CUL7: variants seen among roughly 807,000 people sequenced by gnomAD.
CUL7 encodes the protein cullin-7.
In CUL7, 96 loss-of-function variants were observed where a neutral mutation model predicts 177.7. That is an observed-to-expected ratio of 0.54 (90% CI 0.46 to 0.64). The LOEUF (loss-of-function observed/expected upper bound fraction) is 0.64, where lower values mean the gene tolerates loss of function less well. Among genes scored for constraint, CUL7 ranks in the 30% least tolerant of loss-of-function variants. The pLI is 0.00. For missense variants in CUL7, 1,893 were observed against 2,187.9 expected (o/e 0.87, Z 2.69); for synonymous variants, 824 against 890.2 (o/e 0.93, Z 1.32).
rs2150329542 is a variant in CUL7 at position 43,048,533 on chromosome 6, AG to A, written c.1861del (p.Leu621CysfsTer18). On this transcript the variant is annotated frameshift_variant, in exon 8 of 26. Coordinates refer to ENST00000265348, the MANE Select transcript of CUL7 (RefSeq NM_014780.5). LOFTEE classifies it high-confidence loss of function. ...EPPSQSPNTP[L>X]QRLVEGYGPA... Reference sequence around the variant, plus strand: ...ACCATAACCCTCCACCAGACGCTGCAGGGGAGTGTTGGGACTCTGAGATGGG... The same window carrying A: ...ACCATAACCCTCCACCAGACGCTGCAGGGAGTGTTGGGACTCTGAGATGGG... 1 of 1,614,130 alleles carries A rather than the reference AG, an allele frequency of 6.2e-7. No individual in the cohort carries two copies. Among genetic ancestry groups the A allele is most frequent in the East Asian group, 2.2e-5 (1 of 44,884 alleles).
chr6:43,047,996 A>T (rs556200076), intron 9 of CUL7, 152 bp downstream of exon 9: 6 of 620,074 alleles, frequency 9.7e-6, no homozygotes, highest in South Asian at 5.6e-5. Flanking sequence ...TTACCTATTT[A>T]AAAAAAATAA....
At chr6:43,048,765 T>TC (rs1764143804) in intron 7 of CUL7, among the ~76,000 whole-genome samples, 196 bp from the exon 8 acceptor site, 1 of 151,798 alleles carries the variant, frequency 6.6e-6, no homozygotes, top group South Asian at 2.1e-4. Flanking sequence ...AATTTTATAT[T>TC]CTTTTTTTTT....
rs927063542 is a variant in CUL7, at chr6:43,053,406, A to C, written c.-9+216T>G. ...GTGAGGGCGCCGCGAGACCCAGGGC[A>C]GGGTGCACAGACCAGGTAGGCGAGG... On this transcript the variant is annotated intron_variant, in intron 1 of 25. Coordinates refer to ENST00000265348, the MANE Select transcript of CUL7 (RefSeq NM_014780.5). The surrounding 1 kb of genome is among the most constrained non-coding windows in gnomAD (Gnocchi z 4.1). 6.6e-6 allele frequency among the ~76,000 whole-genome samples: 1 copy of C among 152,136 alleles called. No individual in the cohort carries two copies. Among genetic ancestry groups the C allele is most frequent in the African/African-American group, 2.4e-5 (1 of 41,426 alleles).
intron 19 of CUL7, 130 bp downstream of exon 19, chr6:43,042,672 T>C: frequency 1.5e-6 from 1 of 688,084 alleles, no homozygotes; most frequent in Non-Finnish European, 2.5e-6. Flanking sequence ...TTTAAACTTC[T>C]TATAACATGG....
Position 43,041,028 on chromosome 6 carries a change from G to A in CUL7, c.3693C>T (p.Ser1231=), listed in dbSNP as rs1362762474. 3 of 1,613,848 alleles carry A rather than the reference G, an allele frequency of 1.9e-6. No individual in the cohort carries two copies. The East Asian group carries it at 6.7e-5, about 36-fold the overall frequency. The change falls in exon 20 of 26, where the codon AGC becomes AGT. Residue 1231 remains serine, a synonymous_variant. Transcript: ENST00000265348. ...ARHIDQQIQG[S]RIGGAQEMER... is the part of the protein sequence containing the mutation. ...CCATTTCCTGGGCTCCACCGATCCG[G>A]CTGCCCTGGATCTGCTGGTCAATGT...
In CUL7 at chr6:43,037,819, G is replaced by T. The variant is rs763871170; in HGVS notation, c.4966C>A (p.His1656Asn). 2.5e-6 allele frequency: 4 copies of T among 1,610,974 alleles called. No individual in the cohort carries two copies. The African/African-American group carries it at 4.0e-5, about 16-fold the overall frequency. Residue 1656 changes from histidine to asparagine, a missense_variant, in exon 26 of 26, where the codon CAC becomes AAC. Physicochemically the swap from His to Asn is moderately conservative, Grantham distance 68. Coordinates refer to ENST00000265348, the MANE Select transcript of CUL7 (RefSeq NM_014780.5). ...GAGCCTGGGTTCAGGGACTCAGTGT[G>T]AGGCTCCATGACAGTCACAGGGACT... ...YAVPVTVMEP[H>N]TESLNPGSSG...
rs760910667 is a variant in CUL7, at chr6:43,046,042, G to A, written c.2710C>T (p.Arg904Ter). ...CTATCACCCCCGCACACCACCACTC[G>A]GGCCGGCATGTAACTCGAGTCCTCA... ...ASEDSSYMPA[R>*]VVVCGGDSTS... The change falls in exon 13 of 26, where the codon CGA becomes TGA. Residue 904 changes from arginine to a stop codon, truncating the protein, a stop_gained. Transcript: ENST00000265348. LOFTEE classifies it high-confidence loss of function. The A allele has an allele frequency of 3.7e-6, 6 of 1,614,012 alleles. No individual in the cohort carries two copies. The highest frequency in any genetic ancestry group is 1.1e-5 in the South Asian group (1 of 91,088).
Position 43,040,437 on chromosome 6 carries a change from A to G in CUL7, c.4024-11T>C. The G allele has an allele frequency of 6.2e-7, 1 of 1,612,258 alleles. No homozygotes were observed. Among genetic ancestry groups the G allele is most frequent in the Non-Finnish European group, 8.5e-7 (1 of 1,180,014 alleles). ...GGCCCCAAGGCCCACCTGAAGGAGCACAGGGTTCCCAGATGCCATGGCCTC... is the reference window on the plus strand; with the variant it reads ...GGCCCCAAGGCCCACCTGAAGGAGCGCAGGGTTCCCAGATGCCATGGCCTC... On this transcript the variant is annotated splice_polypyrimidine_tract_variant and intron_variant, in intron 21 of 25. Transcript: ENST00000265348. This position sits in a 1 kb window ranked among gnomAD's most constrained non-coding sequence, Gnocchi z 4.2.
intron 9 of CUL7, among the ~76,000 whole-genome samples, 189 bp from the exon 10 acceptor site, chr6:43,047,296 G>A (rs776712354): frequency 9.9e-5 from 15 of 152,146 alleles, no homozygotes; most frequent in Admixed American, 2.0e-4. Flanking sequence ...GAGAACCAAA[G>A]ACAAACCAAA....
chr6:43,051,422 A>G lies in CUL7; in HGVS notation c.779T>C (p.Val260Ala). ...GTTCAGCTGATCCAGGAGCGAGGTG[A>G]CATGCAAATACCGCTTCACCAGGGA... ...LFSLVKRYLH[V>A]TSLLDQLNDS... The change falls in exon 4 of 26, where the codon GTC becomes GCC. Residue 260 changes from valine to alanine, a missense_variant. Val to Ala is a moderately conservative substitution (Grantham distance 64). Transcript: ENST00000265348. The surrounding 1 kb of genome is among the most constrained non-coding windows in gnomAD (Gnocchi z 5.0). 5.0e-6 allele frequency: 8 copies of G among 1,614,064 alleles called. No individual in the cohort carries two copies. Among genetic ancestry groups the G allele is most frequent in the Non-Finnish European group, 6.8e-6 (8 of 1,180,018 alleles).
intron 24 of CUL7, 45 bp downstream of exon 24, chr6:43,038,521 T>C (rs376539415): frequency 8.7e-6 from 14 of 1,613,688 alleles, no homozygotes; most frequent in Non-Finnish European, 1.1e-5. Flanking sequence ...ACGAGGAGCC[T>C]GGCCCTGCCT....
Position 43,040,063 on chromosome 6 carries a change from G to T in CUL7, c.4294+93C>A. On this transcript the variant is annotated intron_variant, in intron 22 of 25. Coordinates refer to ENST00000265348, the MANE Select transcript of CUL7 (RefSeq NM_014780.5). This position sits in a 1 kb window ranked among gnomAD's most constrained non-coding sequence, Gnocchi z 4.2. ...CAAAGACTATCTCTTTTTACATCAAGCCTCCCAACATCAGGGTCTGCCCCC... is the reference window on the plus strand; with the variant it reads ...CAAAGACTATCTCTTTTTACATCAATCCTCCCAACATCAGGGTCTGCCCCC... 1.4e-6 allele frequency: 2 copies of T among 1,442,242 alleles called. No individual in the cohort carries two copies. Among genetic ancestry groups the T allele is most frequent in the Non-Finnish European group, 2.0e-6 (2 of 1,025,372 alleles). The allele number at this position is 1,442,242 out of a possible 1,614,324, so 89.3% of individuals were successfully genotyped here. A position where few individuals can be genotyped will look rare whatever the true frequency, so the allele number is the denominator to read the frequency against.
Position 43,050,003 on chromosome 6 carries a change from T to G in CUL7, c.1529A>C (p.Gln510Pro). The G allele has an allele frequency of 6.2e-7, 1 of 1,614,210 alleles. No individual in the cohort carries two copies. Among genetic ancestry groups the G allele is most frequent in the Non-Finnish European group, 8.5e-7 (1 of 1,180,038 alleles). Residue 510 changes from glutamine to proline, a missense_variant, in exon 6 of 26, where the codon CAG becomes CCG. Around this residue, in one of 5 missense-constraint regions of CUL7, gnomAD observed 653 missense variants for 725.2 expected, o/e 0.90. Transcript: ENST00000265348. The surrounding 1 kb of genome is among the most constrained non-coding windows in gnomAD (Gnocchi z 4.1). The part of the protein sequence containing the change: ...FIKKLDGPDH[Q>P]EVLQILQENL... ...CTCCTGGAGGATCTGGAGAACCTCC[T>G]GATGGTCAGGTCCATCCAGCTTCTT... is the stretch of plus-strand genomic sequence containing the variant.
Position 43,053,804 on chromosome 6 carries a change from C to G in CUL7, c.-191G>C. Reference sequence around the variant, plus strand: ...CCGCGTGAGTCGGCAGCCACTGGGGCAGGGTGGGGCCCGGTCCCTGCCAGC... The same window carrying G: ...CCGCGTGAGTCGGCAGCCACTGGGGGAGGGTGGGGCCCGGTCCCTGCCAGC... On this transcript the variant is annotated 5_prime_UTR_variant, in exon 1 of 26. Transcript: ENST00000265348. The surrounding 1 kb of genome is among the most constrained non-coding windows in gnomAD (Gnocchi z 4.1). 1 of 1,532,652 alleles carries G rather than the reference C, an allele frequency of 6.5e-7. No homozygotes were observed. Among genetic ancestry groups the G allele is most frequent in the East Asian group, 2.5e-5 (1 of 40,796 alleles). 94.9% of individuals were successfully genotyped at this position (1,532,652 alleles called of 1,614,324 possible).
At chr6:43,038,754 G>A (rs1763165311) in intron 23 of CUL7, 62 bp from the exon 24 acceptor site, 3 of 1,612,346 alleles carry the variant, frequency 1.9e-6, no homozygotes, top group African/African-American at 1.3e-5. Context: ...AGAGGATGGA[G>A]GGAAGAAGCA....
Position 43,043,453 on chromosome 6 carries a change from C to T in CUL7, c.3350G>A (p.Arg1117Gln), listed in dbSNP as rs762375494. The T allele has an allele frequency of 7.4e-6, 12 of 1,613,780 alleles. No individual in the cohort carries two copies. Among genetic ancestry groups the T allele is most frequent in the East Asian group, 4.5e-5 (2 of 44,872 alleles). The stretch of plus-strand genomic sequence containing the variant: ...CCTGAATCTCCACTACTCACTGGGC[C>T]GAGGAGTGGCCACCACAGGAGGGGG... ...EAPPPVVATPRPKGRNRSHDW... is the reference protein window; with the variant it reads ...EAPPPVVATPQPKGRNRSHDW... Residue 1117 changes from arginine to glutamine, a missense_variant, in exon 17 of 26, where the codon CGG becomes CAG. Arg to Gln is a conservative substitution (Grantham distance 43). This residue lies in a region of CUL7 where 973 missense variants were observed against 1,140.9 expected (regional missense o/e 0.85). Transcript: ENST00000265348. The surrounding 1 kb of genome is among the most constrained non-coding windows in gnomAD (Gnocchi z 4.2).
intron 7 of CUL7, among the ~76,000 whole-genome samples, 185 bp downstream of exon 7, chr6:43,049,222 T>C (rs903959474): frequency 6.6e-6 from 1 of 152,230 alleles, no homozygotes; most frequent in East Asian, 1.9e-4. Flanking sequence ...ATTTTCTAAC[T>C]TTACATCCTC....
Position 43,053,633 on chromosome 6 carries a change from A to G in CUL7, c.-20T>C, listed in dbSNP as rs1473683603. On this transcript the variant is annotated 5_prime_UTR_variant, in exon 1 of 26. Coordinates refer to ENST00000265348, the MANE Select transcript of CUL7 (RefSeq NM_014780.5). The surrounding 1 kb of genome is among the most constrained non-coding windows in gnomAD (Gnocchi z 4.1). ...GGGGCTCTGGCCACCTCAGAAGTCC[A>G]CCGGGGTCCTGGCGCGAGGCCTGTC... 1.5e-6 allele frequency: 2 copies of G among 1,377,114 alleles called. No individual in the cohort carries two copies. Among genetic ancestry groups the G allele is most frequent in the Non-Finnish European group, 1.9e-6 (2 of 1,070,168 alleles). 85.3% of individuals were successfully genotyped at this position (1,377,114 alleles called of 1,614,324 possible). A position where few individuals can be genotyped will look rare whatever the true frequency, so the allele number is the denominator to read the frequency against.
chr6:43,051,064 C>G lies in CUL7; in HGVS notation c.1137G>C (p.Pro379=). ...CATCCAGCATCCGCACTCGCATCCC[C>G]GGCTGCAGTGTGTCCCGCACATACA... ...YALYVRDTLQ[P]GMRVRMLDDY... is the part of the protein sequence containing the mutation. Residue 379 remains proline, a synonymous_variant, in exon 4 of 26, where the codon CCG becomes CCC. Transcript: ENST00000265348. This position sits in a 1 kb window ranked among gnomAD's most constrained non-coding sequence, Gnocchi z 5.0. 1 of 1,614,152 alleles carries G rather than the reference C, an allele frequency of 6.2e-7. No homozygotes were observed. The highest frequency in any genetic ancestry group is 1.3e-5 in the African/African-American group (1 of 75,038).
Sources: gnomAD v4.1 joint callset for allele counts (sites outside exome capture counted in the v4.1 genomes callset) on GRCh38, gnomAD v4.1.1 for gene constraint, gnomAD v4.1.1 regional missense constraint, Gnocchi (gnomAD v3.1) non-coding constraint, MANE v1.5 for transcripts, NCBI Gene and HGNC (gene_info 2026-07-23, HGNC 2026-07-21) for gene names.